Variants in SECISBP2L observed in about 807,000 individuals in gnomAD.
SECISBP2L encodes the protein SECIS binding protein 2 like.
A neutral mutation model predicts 114.7 loss-of-function variants in SECISBP2L; 43 were observed. The observed-to-expected ratio is 0.38, with a 90% CI of 0.29 to 0.48. SECISBP2L has a LOEUF of 0.48. Ranked by LOEUF, SECISBP2L falls within the 20% of genes least tolerant of loss-of-function variation. The pLI is 0.98. For missense variants in SECISBP2L, 1,136 were observed against 1,301.1 expected (o/e 0.87, Z 1.95); for synonymous variants, 451 against 439.7 (o/e 1.03, Z -0.32).
intron 7 of SECISBP2L, among the ~76,000 whole-genome samples, chr15:49,024,756 C>A (rs1252494611): frequency 6.6e-6 from 1 of 152,110 alleles, no homozygotes; most frequent in East Asian, 1.9e-4. Context: ...AACATTTTGA[C>A]TTAAAAAGAC....
At chr15:49,014,489 C>T (rs890604092) in intron 11 of SECISBP2L, among the ~76,000 whole-genome samples, 2 of 152,062 alleles carry the variant, frequency 1.3e-5, no homozygotes, top group African/African-American at 4.8e-5. Flanking sequence ...ATCTCCCATG[C>T]TAGCATTTAA....
chr15:49,034,293 T>C (rs1035830672), intron 3 of SECISBP2L, among the ~76,000 whole-genome samples: 4 of 152,204 alleles, frequency 2.6e-5, no homozygotes, highest in African/African-American at 9.6e-5. Flanking sequence ...AAGTGCCAAC[T>C]AGAAACACAT....
chr15:49,036,415 T>G (rs115293419), intron 2 of SECISBP2L, among the ~76,000 whole-genome samples: 1 of 152,136 alleles, frequency 6.6e-6, no homozygotes, highest in Non-Finnish European at 1.5e-5. Context: ...CAAAGCAAAA[T>G]AGTAAAATGT....
At position 49,001,227 on chromosome 15, in the gene SECISBP2L, A is replaced by T; in HGVS notation, c.2028-130T>A. On this transcript the variant is annotated intron_variant, in intron 14 of 17. Transcript: ENST00000559471. Reference sequence around the variant, plus strand: ...AGTTTTCATGAAAAGTCTCTTAAAGAAGTGTTTAAAACTTCTTAAATCCTT... The same window carrying T: ...AGTTTTCATGAAAAGTCTCTTAAAGTAGTGTTTAAAACTTCTTAAATCCTT... 8.0e-6 allele frequency: 5 copies of T among 622,818 alleles called. No individual in the cohort carries two copies. In the East Asian group the frequency reaches 1.4e-4, roughly 18 times the overall value. The allele number at this position is 622,818 out of a possible 1,614,324, so 38.6% of individuals were successfully genotyped here.
In SECISBP2L at chr15:48,991,912, T is replaced by G; in HGVS notation, c.*332A>C. 1 of 181,368 alleles carries G rather than the reference T, an allele frequency of 5.5e-6. No individual in the cohort carries two copies. Among genetic ancestry groups the G allele is most frequent in the Non-Finnish European group, 1.2e-5 (1 of 86,212 alleles). 11.2% of individuals were successfully genotyped at this position (181,368 alleles called of 1,614,324 possible). On this transcript the variant is annotated 3_prime_UTR_variant, in exon 18 of 18. Coordinates refer to ENST00000559471, the MANE Select transcript of SECISBP2L (RefSeq NM_001193489.2). ...AAGCAAACACTGATAACTGCTTCTA[T>G]CCTTAGAACCTTGTTCTTTAACTTT...
intron 1 of SECISBP2L, among the ~76,000 whole-genome samples, chr15:49,043,164 A>G (rs1406586821): frequency 2.0e-5 from 3 of 152,192 alleles, no homozygotes; most frequent in Non-Finnish European, 4.4e-5. Flanking sequence ...TCCTTACGTA[A>G]GGGCCAACTA....
At position 49,033,070 on chromosome 15, in the gene SECISBP2L, T is replaced by C. The variant is rs149913295; in HGVS notation, c.559A>G (p.Lys187Glu). Residue 187 changes from lysine to glutamate, a missense_variant, in exon 4 of 18, where the codon AAA becomes GAA. Lys to Glu is a moderately conservative substitution (Grantham distance 56). Transcript: ENST00000559471. Reference sequence around the variant, plus strand: ...GCTACATTTTTCACCAGCGGCCTTTTGCTTTTTATGTGCTGTTGTAAAAGC... The same window carrying C: ...GCTACATTTTTCACCAGCGGCCTTTCGCTTTTTATGTGCTGTTGTAAAAGC... ...QQLLQQHIKS[K>E]RPLVKNVATQ... The C allele has an allele frequency of 6.2e-7, 1 of 1,613,962 alleles. No individual in the cohort carries two copies. Among genetic ancestry groups the C allele is most frequent in the Non-Finnish European group, 8.5e-7 (1 of 1,180,012 alleles).
Position 49,033,281 on chromosome 15 carries a change from G to A in SECISBP2L, c.529-181C>T, listed in dbSNP as rs568438321. On this transcript the variant is annotated intron_variant, in intron 3 of 17. Transcript: ENST00000559471. ...ATGAAATGCCTGCAGCAAAGCATAC[G>A]AGGCTAAACAATGTATTATACGCAC... 3.3e-5 allele frequency among the ~76,000 whole-genome samples: 5 copies of A among 152,176 alleles called. No individual in the cohort carries two copies. The East Asian group carries it at 5.8e-4, about 18-fold the overall frequency.
intron 16 of SECISBP2L, 115 bp from the exon 17 acceptor site, chr15:48,996,701 A>T: frequency 1.2e-6 from 1 of 849,044 alleles, no homozygotes; most frequent in South Asian, 1.7e-5. Context: ...CAATGAGGAC[A>T]AAATCCAAAT....
intron 1 of SECISBP2L, 69 bp from the exon 2 acceptor site, chr15:49,037,838 C>G: frequency 7.3e-7 from 1 of 1,364,788 alleles, no homozygotes; most frequent in Non-Finnish European, 1.0e-6. Context: ...CAAAATTTAA[C>G]AACAGAAGAG....
At position 49,034,042 on chromosome 15, in the gene SECISBP2L, C is replaced by CTT. The variant is rs35130544; in HGVS notation, c.529-944_529-943dup. ...ATATACTACTATCTTATTTCCAACA[C>CTT]TTTTTTTTTCATTCTGAGTTCCCGA... On this transcript the variant is annotated intron_variant, in intron 3 of 17. Coordinates refer to ENST00000559471, the MANE Select transcript of SECISBP2L (RefSeq NM_001193489.2). Among the ~76,000 whole-genome samples, 30 of 151,522 alleles carry CTT rather than the reference C, an allele frequency of 2.0e-4. 1 individual carries two copies. The East Asian group carries it at 5.2e-3, about 26-fold the overall frequency.
At chr15:49,008,207 A>C (rs2141066868) in intron 14 of SECISBP2L, among the ~76,000 whole-genome samples, 1 of 152,342 alleles carries the variant, frequency 6.6e-6, no homozygotes, top group East Asian at 1.9e-4. Flanking sequence ...ATGTAGTGGG[A>C]AAATCTGTGC....
At chr15:49,044,287 A>G (rs1295130784) in intron 1 of SECISBP2L, among the ~76,000 whole-genome samples, 1 of 152,210 alleles carries the variant, frequency 6.6e-6, no homozygotes, top group African/African-American at 2.4e-5. Context: ...ATATCCTGGA[A>G]AAGCCATTAC....
chr15:49,023,216 A>T (rs1902676734), intron 7 of SECISBP2L, among the ~76,000 whole-genome samples: 1 of 152,206 alleles, frequency 6.6e-6, no homozygotes, highest in South Asian at 2.1e-4. Flanking sequence ...AATTTGATAA[A>T]AACTTGATCA....
At chr15:48,999,795 T>C (rs936322104) in intron 16 of SECISBP2L, 38 bp downstream of exon 16, 1 of 1,599,320 alleles carries the variant, frequency 6.3e-7, no homozygotes, top group Non-Finnish European at 8.6e-7. Context: ...CTGGGGGATG[T>C]GCTGGAGAGC....
At chr15:49,024,341 C>T (rs1351569990) in intron 7 of SECISBP2L, among the ~76,000 whole-genome samples, 1 of 151,816 alleles carries the variant, frequency 6.6e-6, no homozygotes, top group Admixed American at 6.6e-5. Flanking sequence ...ACTAAAAATA[C>T]AAAAATTACC....
chr15:49,034,007 T>C (rs1902950787), intron 3 of SECISBP2L, among the ~76,000 whole-genome samples: 1 of 152,182 alleles, frequency 6.6e-6, no homozygotes, highest in Non-Finnish European at 1.5e-5. Flanking sequence ...TCCTTAAACA[T>C]CTGTAAATTA....
chr15:48,998,133 A>G (rs1156912982), intron 16 of SECISBP2L, among the ~76,000 whole-genome samples: 2 of 152,242 alleles, frequency 1.3e-5, no homozygotes. Context: ...TTAATTTTAT[A>G]GTAAGTACAA....
At chr15:49,034,394 T>C (rs1463743515) in intron 3 of SECISBP2L, among the ~76,000 whole-genome samples, 2 of 152,086 alleles carry the variant, frequency 1.3e-5, no homozygotes, top group Non-Finnish European at 2.9e-5. Context: ...CTTAATTCTC[T>C]TGTGATTCAA....
Sources: allele counts gnomAD v4.1 joint callset (sites outside exome capture counted in the v4.1 genomes callset), GRCh38; gene constraint gnomAD v4.1.1; transcripts MANE v1.5; gene names NCBI Gene and HGNC (gene_info 2026-07-23, HGNC 2026-07-21).